Variants in MCPH1 observed in about 807,000 individuals in gnomAD.
MCPH1 encodes microcephalin.
In MCPH1, 104 loss-of-function variants were observed where a neutral mutation model predicts 84.5. That is an observed-to-expected ratio of 1.23 (90% CI 1.05 to 1.45). MCPH1 has a LOEUF of 1.45. Among genes scored for constraint, MCPH1 ranks in the 40% most tolerant of loss-of-function variants. MCPH1 has a pLI of 0.00. For missense variants in MCPH1, 1,498 were observed against 1,005.7 expected (o/e 1.49, Z -6.62); for synonymous variants, 514 against 366.8 (o/e 1.40, Z -4.58).
chr8:6,504,463 G>C (rs1469359800), intron 12 of MCPH1, among the ~76,000 whole-genome samples: 1 of 152,056 alleles, frequency 6.6e-6, no homozygotes, highest in Non-Finnish European at 1.5e-5. Flanking sequence ...TCTACATCCG[G>C]TCTCCTGATC....
At chr8:6,427,195 C>T (rs182546661) in intron 3 of MCPH1, among the ~76,000 whole-genome samples, 162 of 152,172 alleles carry the variant, frequency 1.1e-3, no homozygotes, top group Non-Finnish European at 2.0e-3. Flanking sequence ...CTACATAGGG[C>T]GTTTACTATG....
At chr8:6,559,424 T>C (rs1825170263) in intron 12 of MCPH1, among the ~76,000 whole-genome samples, 1 of 152,218 alleles carries the variant, frequency 6.6e-6, no homozygotes, top group Non-Finnish European at 1.5e-5. Context: ...ATTAAAAAGA[T>C]ACACTATTAT....
At chr8:6,638,414 G>A (rs1797709190) in intron 13 of MCPH1, among the ~76,000 whole-genome samples, 1 of 152,054 alleles carries the variant, frequency 6.6e-6, no homozygotes, top group African/African-American at 2.4e-5. Flanking sequence ...GGCAATCGCA[G>A]TTTTAGTTAA....
chr8:6,449,545 A>AT, intron 8 of MCPH1, among the ~76,000 whole-genome samples: 1 of 152,130 alleles, frequency 6.6e-6, no homozygotes. Flanking sequence ...AGGCAGGAGA[A>AT]TCACTTGAAC....
At chr8:6,610,787 T>C (rs1035607071) in intron 12 of MCPH1, among the ~76,000 whole-genome samples, 1 of 152,156 alleles carries the variant, frequency 6.6e-6, no homozygotes, top group African/African-American at 2.4e-5. Flanking sequence ...TCGAGACAAC[T>C]TCATGCCCAT....
chr8:6,549,771 T>C (rs1427694246), intron 12 of MCPH1, among the ~76,000 whole-genome samples: 1 of 152,118 alleles, frequency 6.6e-6, no homozygotes, highest in Non-Finnish European at 1.5e-5. Flanking sequence ...CAGCAAGTCC[T>C]CTATATCTTG....
chr8:6,414,751 C>A lies in MCPH1; in HGVS notation c.115-14C>A. Reference sequence around the variant, plus strand: ...ACAGTAATGTACATTTTGTTTTCTGCATTTTGTCTACAGGTTTCAAAAACT... The same window carrying A: ...ACAGTAATGTACATTTTGTTTTCTGAATTTTGTCTACAGGTTTCAAAAACT... On this transcript the variant is annotated splice_polypyrimidine_tract_variant and intron_variant, in intron 2 of 13. Transcript: ENST00000344683. 1.2e-6 allele frequency: 2 copies of A among 1,612,618 alleles called. No homozygotes were observed. Among genetic ancestry groups the A allele is most frequent in the Non-Finnish European group, 1.7e-6 (2 of 1,179,248 alleles).
intron 12 of MCPH1, among the ~76,000 whole-genome samples, chr8:6,581,250 T>C (rs1563153163): frequency 3.3e-5 from 5 of 152,222 alleles, no homozygotes; most frequent in Non-Finnish European, 1.5e-5. Flanking sequence ...ATGCTAACCA[T>C]GTGGGAATTA....
intron 9 of MCPH1, among the ~76,000 whole-genome samples, chr8:6,459,536 A>G (rs1283376970): frequency 6.6e-6 from 1 of 152,208 alleles, no homozygotes; most frequent in Non-Finnish European, 1.5e-5. Context: ...TTAATGTTGA[A>G]AAAGGGAGAG....
At chr8:6,407,858 T>G (rs764593106) in intron 1 of MCPH1, among the ~76,000 whole-genome samples, 1 of 152,228 alleles carries the variant, frequency 6.6e-6, no homozygotes, top group Non-Finnish European at 1.5e-5. Context: ...GAGCTAAGAA[T>G]GTCTTTTACA....
intron 3 of MCPH1, among the ~76,000 whole-genome samples, chr8:6,420,664 C>A (rs954516008): frequency 1.3e-5 from 2 of 152,122 alleles, no homozygotes; most frequent in Non-Finnish European, 2.9e-5. Context: ...ATCTTTATCT[C>A]TGCTGTTACA....
At chr8:6,558,592 G>A (rs1825025413) in intron 12 of MCPH1, among the ~76,000 whole-genome samples, 1 of 152,090 alleles carries the variant, frequency 6.6e-6, no homozygotes, top group South Asian at 2.1e-4. Flanking sequence ...ACTGTAAAGA[G>A]CCACATTGAT....
At chr8:6,607,119 G>A (rs1829843235) in intron 12 of MCPH1, among the ~76,000 whole-genome samples, 1 of 152,184 alleles carries the variant, frequency 6.6e-6, no homozygotes, top group Admixed American at 6.5e-5. Flanking sequence ...GCAAAAGCAG[G>A]AAGGCCCCTC....
chr8:6,431,766 G>A (rs1334540538), intron 4 of MCPH1, among the ~76,000 whole-genome samples, 180 bp downstream of exon 4: 1 of 152,048 alleles, frequency 6.6e-6, no homozygotes, highest in East Asian at 1.9e-4. Context: ...TTTATCCTAT[G>A]ACTTCTTCGA....
chr8:6,584,096 C>T (rs1440949207), intron 12 of MCPH1, among the ~76,000 whole-genome samples: 1 of 152,154 alleles, frequency 6.6e-6, no homozygotes, highest in East Asian at 1.9e-4. Flanking sequence ...ATTCCTGCCA[C>T]AGTCACTTCC....
chr8:6,434,430 C>T (rs1362977778), intron 4 of MCPH1, among the ~76,000 whole-genome samples: 1 of 152,216 alleles, frequency 6.6e-6, no homozygotes, highest in South Asian at 2.1e-4. Context: ...TAAAGCACCA[C>T]TGTCTAATTA....
chr8:6,493,637 G>C (rs1022494769), intron 11 of MCPH1, among the ~76,000 whole-genome samples: 1 of 152,006 alleles, frequency 6.6e-6, no homozygotes, highest in Admixed American at 6.5e-5. Flanking sequence ...CTGAAGTGCA[G>C]ATCCTGGTTC....
chr8:6,490,735 C>A, intron 11 of MCPH1, among the ~76,000 whole-genome samples: 1 of 152,054 alleles, frequency 6.6e-6, no homozygotes. Flanking sequence ...AAATCTCATA[C>A]AGAAAATTTG....
intron 12 of MCPH1, among the ~76,000 whole-genome samples, chr8:6,572,882 G>A (rs939988505): frequency 6.6e-6 from 1 of 152,212 alleles, no homozygotes; most frequent in African/African-American, 2.4e-5. Flanking sequence ...CCACGTAAGG[G>A]CTACGTGAAC....
Sources: gnomAD v4.1 joint callset for allele counts (sites outside exome capture counted in the v4.1 genomes callset) on GRCh38, gnomAD v4.1.1 for gene constraint, MANE v1.5 for transcripts, NCBI Gene and HGNC (gene_info 2026-07-23, HGNC 2026-07-21) for gene names.